Variants in EPG5 observed in about 807,000 individuals in gnomAD.
EPG5 encodes ectopic P-granules 5 autophagy tethering factor, also known as ectopic P granules protein 5 homolog.
EPG5 carries 159 observed loss-of-function variants against 302.7 expected under a neutral mutation model. The ratio of observed to expected loss-of-function variants is 0.53; its 90% CI spans 0.46 to 0.60. EPG5 has a LOEUF of 0.60. EPG5 is among the 20% of genes least tolerant of loss of function. EPG5 has a pLI of 0.00. For missense variants in EPG5, 2,896 were observed against 3,092.4 expected, an observed-to-expected ratio of 0.94 and a Z score of 1.51; for synonymous variants, 1,158 against 1,136.8, an observed-to-expected ratio of 1.02 and a Z score of -0.37.
chr18:45,881,186 T>G (rs113839860), intron 31 of EPG5, among the ~76,000 whole-genome samples: 2,103 of 152,336 alleles, frequency 0.014, 57 homozygotes, highest in African/African-American at 0.048. Context: ...GAATTACTTT[T>G]CTTGGTAAGA....
the EPG5 span, among the ~76,000 whole-genome samples, chr18:45,812,150 G>A: frequency 6.6e-6 from 1 of 152,112 alleles, no homozygotes; most frequent in Non-Finnish European, 1.5e-5. Context: ...CAAATCATGA[G>A]TGAACTCCCA....
chr18:45,889,333 T>C (rs576332720), intron 28 of EPG5, among the ~76,000 whole-genome samples: 1 of 152,364 alleles, frequency 6.6e-6, no homozygotes, highest in African/African-American at 2.4e-5. Context: ...AGAGTCCTAA[T>C]TCCCCTAAAT....
rs550927751 is a variant in EPG5 at position 45,934,150 on chromosome 18, G to A, written c.2257+659C>T. On this transcript the variant is annotated intron_variant, in intron 11 of 43. Coordinates refer to ENST00000282041, the MANE Select transcript of EPG5 (RefSeq NM_020964.3). The stretch of plus-strand genomic sequence containing the variant: ...CTAAAAATACAAAAAATAGCCAGGC[G>A]TGATAGCGTGGACCTGTAAGCCCAG... Among the ~76,000 whole-genome samples the A allele has an allele frequency of 3.6e-4, 55 of 151,908 alleles. No individual in the cohort carries two copies. In the South Asian group the frequency reaches 6.4e-3, roughly 18 times the overall value.
Position 45,882,984 on chromosome 18 carries a change from G to A in EPG5, c.5305-497C>T, listed in dbSNP as rs967154857. ...ATCACGCCATTGCACTCCAGCCTGG[G>A]CAACAAGAGCGAAACTGCGTCTCAC... On this transcript the variant is annotated intron_variant, in intron 30 of 43. Transcript: ENST00000282041. Among the ~76,000 whole-genome samples, 5 of 143,120 alleles carry A rather than the reference G, an allele frequency of 3.5e-5. No homozygotes were observed. In the East Asian group the frequency reaches 8.1e-4, roughly 23 times the overall value. The allele number at this position is 143,120 out of a possible 152,430, so 93.9% of individuals were successfully genotyped here.
chr18:45,907,301 A>G (rs1259558983), intron 24 of EPG5: 3 of 152,222 alleles, frequency 2.0e-5, no homozygotes, highest in Admixed American at 6.5e-5. Flanking sequence ...TAGAAAAAAA[A>G]GAACTAGAAT....
Position 45,954,912 on chromosome 18 carries a change from G to C in EPG5, c.490C>G (p.Gln164Glu). 1 of 1,613,552 alleles carries C rather than the reference G, an allele frequency of 6.2e-7. No individual in the cohort carries two copies. Among genetic ancestry groups the C allele is most frequent in the Non-Finnish European group, 8.5e-7 (1 of 1,179,796 alleles). ...ACTTGTATATTTTCCATTGCTGGCT[G>C]AGTATAAGAAAAATTAGATTGGGGT... ...SAPQSNFSYT[Q>E]PAMENIQVRE... The change falls in exon 2 of 44, where the codon CAG becomes GAG. Residue 164 changes from glutamine (Q) to glutamate (E), a missense_variant. Gln to Glu is a conservative substitution (Grantham distance 29, BLOSUM62 2). Coordinates refer to ENST00000282041, the MANE Select transcript of EPG5 (RefSeq NM_020964.3).
At chr18:45,840,666 C>A in the EPG5 span, among the ~76,000 whole-genome samples, 1 of 152,352 alleles carries the variant, frequency 6.6e-6, no homozygotes, top group Non-Finnish European at 1.5e-5. Flanking sequence ...CTGGGTCATA[C>A]TCTCCTCTTC....
Position 45,949,512 on chromosome 18 carries a change from A to C in EPG5, c.1469T>G (p.Val490Gly). The change falls in exon 5 of 44, where the codon GTT becomes GGT. Residue 490 changes from valine (V) to glycine (G), a missense_variant. Val to Gly is a moderately radical substitution (Grantham distance 109). Transcript: ENST00000282041. ...GATAAAAGGAACAGCCCATTTACTA[A>C]CACCAGCGGGGCATCGAAGAATATG... Reference protein sequence around the residue: ...LNHILRCPAGVSKWAVPFIQI... With the variant: ...LNHILRCPAGGSKWAVPFIQI... 1 of 1,612,678 alleles carries C rather than the reference A, an allele frequency of 6.2e-7. No homozygotes were observed. The highest frequency in any genetic ancestry group is 8.5e-7 in the Non-Finnish European group (1 of 1,179,018).
chr18:45,837,114 T>C, the EPG5 span: 1 of 1,612,226 alleles, frequency 6.2e-7, no homozygotes, highest in South Asian at 1.1e-5. Flanking sequence ...ATTATCACCA[T>C]CTCGGGGATC....
Position 45,899,445 on chromosome 18 carries a change from T to C in EPG5, c.4768A>G (p.Ser1590Gly). 6.2e-7 allele frequency: 1 copy of C among 1,614,240 alleles called. No individual in the cohort carries two copies. Among genetic ancestry groups the C allele is most frequent in the Non-Finnish European group, 8.5e-7 (1 of 1,180,046 alleles). Residue 1590 changes from serine to glycine, a missense_variant, in exon 27 of 44, where the codon AGC becomes GGC. Physicochemically the swap from Ser to Gly is moderately conservative, Grantham distance 56. Transcript: ENST00000282041. ...GCGGCTCCTTGGCATTTCTTACCGCTGCTGCCTCTGCACTCCAAATGTAGT... is the reference window on the plus strand; with the variant it reads ...GCGGCTCCTTGGCATTTCTTACCGCCGCTGCCTCTGCACTCCAAATGTAGT... The part of the protein sequence containing the change: ...TTLHLECRGS[S>G]GKKCQGAAVV...
chr18:45,912,642 G>C (rs746931871), intron 21 of EPG5, among the ~76,000 whole-genome samples, 186 bp from the exon 22 acceptor site: 21 of 152,194 alleles, frequency 1.4e-4, no homozygotes, highest in Non-Finnish European at 2.6e-4. Context: ...TTGGTAGCAA[G>C]ACATGTAGGG....
chr18:45,908,873 CGG>C (rs757080149), intron 23 of EPG5, among the ~76,000 whole-genome samples: 2 of 151,528 alleles, frequency 1.3e-5, no homozygotes, highest in Non-Finnish European at 2.9e-5. Flanking sequence ...CACTTGAACC[CGG>C]AAGGCAGAGG....
chr18:45,905,413 C>T (rs993247241), intron 24 of EPG5, among the ~76,000 whole-genome samples: 3 of 152,160 alleles, frequency 2.0e-5, no homozygotes, highest in Non-Finnish European at 4.4e-5. Context: ...ACCTCACAGT[C>T]CAAGGCATTC....
the EPG5 span, among the ~76,000 whole-genome samples, chr18:45,840,553 C>T: frequency 2.6e-5 from 4 of 152,220 alleles, no homozygotes; most frequent in Non-Finnish European, 5.9e-5. Flanking sequence ...ACACTCATCC[C>T]CGTTCCCCCC....
rs2051287134 is a variant in EPG5, at chr18:45,967,234, G to C, written c.6C>G (p.Ala2=). Reference sequence around the variant, plus strand: ...CCCGGCGCTGGGGCTTCACCGCCTCGGCCATAGACCCTTCCGCGGCGCCGT... The same window carrying C: ...CCCGGCGCTGGGGCTTCACCGCCTCCGCCATAGACCCTTCCGCGGCGCCGT... M[A]EAVKPQRRAK... The change falls in exon 1 of 44, where the codon GCC becomes GCG. Residue 2 remains alanine, a synonymous_variant. Transcript: ENST00000282041. 2.5e-6 allele frequency: 4 copies of C among 1,601,036 alleles called. No individual in the cohort carries two copies. Among genetic ancestry groups the C allele is most frequent in the African/African-American group, 2.7e-5 (2 of 74,514 alleles).
intron 16 of EPG5, among the ~76,000 whole-genome samples, chr18:45,921,720 C>T (rs778188341): frequency 6.6e-6 from 1 of 151,922 alleles, no homozygotes; most frequent in Non-Finnish European, 1.5e-5. Context: ...GTTAAGAAAA[C>T]CAAACACCAC....
the EPG5 span, among the ~76,000 whole-genome samples, chr18:45,806,988 C>T: frequency 3.9e-5 from 6 of 152,122 alleles, no homozygotes; most frequent in Non-Finnish European, 5.9e-5. Context: ...CAGCCCTGCT[C>T]GCCCATTGCC....
chr18:45,825,672 C>G, the EPG5 span: 16 of 1,594,802 alleles, frequency 1.0e-5, no homozygotes, highest in East Asian at 3.4e-4. Context: ...TGGGAGGGCC[C>G]TCACTGGGGA....
intron 11 of EPG5, among the ~76,000 whole-genome samples, chr18:45,931,641 C>G (rs994667250): frequency 2.0e-5 from 3 of 152,128 alleles, no homozygotes; most frequent in African/African-American, 7.2e-5. Flanking sequence ...TTGAGGCCAG[C>G]CTGGCCAACA....
Sources: allele counts gnomAD v4.1 joint callset (sites outside exome capture counted in the v4.1 genomes callset), GRCh38; gene constraint gnomAD v4.1.1; transcripts MANE v1.5; gene names NCBI Gene and HGNC (gene_info 2026-07-23, HGNC 2026-07-21).